Variants in MTX2 observed in about 807,000 individuals in gnomAD.
MTX2 encodes metaxin 2, also known as metaxin-2.
Under a neutral mutation model 42.3 loss-of-function variants are expected in MTX2, and 35 were observed. The observed-to-expected ratio is 0.83, with a 90% CI of 0.63 to 1.10. The LOEUF (loss-of-function observed/expected upper bound fraction) is 1.10. Ranked by LOEUF, MTX2 falls within the 50% of genes least tolerant of loss-of-function variation. The pLI is 0.00. For missense variants in MTX2, 307 were observed against 304.1 expected (o/e 1.01, Z -0.07); for synonymous variants, 119 against 100.9 (o/e 1.18, Z -1.08).
chr2:176,298,512 A>C (rs1388938549), intron 3 of MTX2, among the ~76,000 whole-genome samples: 4 of 152,158 alleles, frequency 2.6e-5, no homozygotes, highest in Non-Finnish European at 4.4e-5. Flanking sequence ...CATTATAGGA[A>C]GAATAGGATA....
intron 3 of MTX2, among the ~76,000 whole-genome samples, chr2:176,300,338 CAAAAGT>C (rs953215217): frequency 6.6e-6 from 1 of 152,034 alleles, no homozygotes; most frequent in African/African-American, 2.4e-5. Flanking sequence ...CCTCATTTAA[CAAAAGT>C]AAAAAGAAAT....
intron 6 of MTX2, 70 bp downstream of exon 6, chr2:176,328,455 A>G (rs1470768477): frequency 9.7e-7 from 1 of 1,029,680 alleles, no homozygotes; most frequent in Non-Finnish European, 1.4e-6. Context: ...AATCTTTCTT[A>G]TGGGTTAAAG....
At chr2:176,327,189 C>G (rs931668908) in intron 5 of MTX2, among the ~76,000 whole-genome samples, 1 of 151,136 alleles carries the variant, frequency 6.6e-6, no homozygotes, top group African/African-American at 2.4e-5. Context: ...CTAACTTATG[C>G]TTACTACAAC....
chr2:176,329,495 T>C, intron 8 of MTX2, 69 bp downstream of exon 8: 3 of 1,394,832 alleles, frequency 2.2e-6, no homozygotes, highest in Non-Finnish European at 2.9e-6. Context: ...TTTATATTGA[T>C]ACTCCTTTAA....
intron 3 of MTX2, among the ~76,000 whole-genome samples, chr2:176,317,533 C>G (rs756776424): frequency 2.6e-5 from 4 of 152,076 alleles, no homozygotes; most frequent in Non-Finnish European, 5.9e-5. Flanking sequence ...AGATGAGGGA[C>G]TTTTTGACAT....
chr2:176,290,838 TTAAC>T (rs1473977596), intron 1 of MTX2, among the ~76,000 whole-genome samples: 2 of 148,412 alleles, frequency 1.3e-5, no homozygotes, highest in Non-Finnish European at 3.0e-5. Context: ...AAAACATAAA[TTAAC>T]TATATATTTC....
At chr2:176,337,012 T>C (rs1211027540) in intron 9 of MTX2, among the ~76,000 whole-genome samples, 1 of 152,184 alleles carries the variant, frequency 6.6e-6, no homozygotes, top group Non-Finnish European at 1.5e-5. Flanking sequence ...GTGCAGTGTT[T>C]GCATGTAATC....
At chr2:176,328,435 C>A in intron 6 of MTX2, 50 bp downstream of exon 6, 1 of 1,171,606 alleles carries the variant, frequency 8.5e-7, no homozygotes, top group Non-Finnish European at 1.2e-6. Context: ...CTCTCATTCT[C>A]ATAAAATATA....
intron 3 of MTX2, among the ~76,000 whole-genome samples, chr2:176,306,509 A>G (rs1322973448): frequency 2.6e-5 from 4 of 152,158 alleles, no homozygotes; most frequent in Non-Finnish European, 5.9e-5. Context: ...TGGTTGAGCT[A>G]ATTTACACTC....
intron 3 of MTX2, among the ~76,000 whole-genome samples, chr2:176,319,566 GTTTGT>G (rs753927220): frequency 6.7e-6 from 1 of 150,322 alleles, no homozygotes; most frequent in Admixed American, 6.7e-5. Flanking sequence ...TAATTTTTTT[GTTTGT>G]TTTGTTTTGT....
intron 1 of MTX2, among the ~76,000 whole-genome samples, chr2:176,280,810 A>T (rs1396471997): frequency 6.6e-6 from 1 of 152,222 alleles, no homozygotes; most frequent in Non-Finnish European, 1.5e-5. Flanking sequence ...ACACAGTAAC[A>T]TTTAACATCA....
chr2:176,312,585 C>T (rs141732778), intron 3 of MTX2, among the ~76,000 whole-genome samples: 151 of 151,864 alleles, frequency 9.9e-4, no homozygotes, highest in African/African-American at 3.6e-3. Context: ...GCTATTGGGC[C>T]GGGTGTGGTG....
rs187172841 is a variant in MTX2 at position 176,327,172 on chromosome 2, T to C, written c.285+271T>C. Among the ~76,000 whole-genome samples, 335 of 151,458 alleles carry C rather than the reference T, an allele frequency of 2.2e-3. 3 individuals are homozygous for C. The highest frequency in any genetic ancestry group is 7.9e-3 in the African/African-American group (326 of 41,488). The stretch of plus-strand genomic sequence containing the variant: ...GGTTTGATCTTTACAAAATGGTAGA[T>C]AATTTTCTAACTTATGCTTACTACA... On this transcript the variant is annotated intron_variant, in intron 5 of 9. Coordinates refer to ENST00000249442, the MANE Select transcript of MTX2 (RefSeq NM_006554.5).
chr2:176,321,441 T>C (rs1255046489), intron 3 of MTX2, among the ~76,000 whole-genome samples: 2 of 152,128 alleles, frequency 1.3e-5, no homozygotes, highest in African/African-American at 4.8e-5. Flanking sequence ...TTAATTAAGA[T>C]TGGATTTGGC....
intron 3 of MTX2, among the ~76,000 whole-genome samples, chr2:176,300,763 A>G (rs1684005826): frequency 6.6e-6 from 1 of 152,184 alleles, no homozygotes; most frequent in African/African-American, 2.4e-5. Flanking sequence ...AATGTAAAAT[A>G]GAAATATAAT....
intron 1 of MTX2, among the ~76,000 whole-genome samples, chr2:176,281,943 TAAGAC>T (rs1693086470): frequency 6.6e-6 from 1 of 152,126 alleles, no homozygotes; most frequent in Non-Finnish European, 1.5e-5. Context: ...AGGATGGAGA[TAAGAC>T]AAGTATAGTT....
At chr2:176,270,032 A>C (rs1692761569) in intron 1 of MTX2, among the ~76,000 whole-genome samples, 2 of 152,118 alleles carry the variant, frequency 1.3e-5, no homozygotes, top group African/African-American at 2.4e-5. Context: ...GAGTGGTGGC[A>C]GTTTCTGGGT....
At chr2:176,319,933 C>T (rs1349613261) in intron 3 of MTX2, among the ~76,000 whole-genome samples, 1 of 152,096 alleles carries the variant, frequency 6.6e-6, no homozygotes, top group African/African-American at 2.4e-5. Context: ...CTCTTGGCCT[C>T]AAGCAATGCT....
intron 8 of MTX2, among the ~76,000 whole-genome samples, chr2:176,330,012 T>C (rs1365410784): frequency 6.6e-6 from 1 of 151,084 alleles, no homozygotes; most frequent in Non-Finnish European, 1.5e-5. Flanking sequence ...TGCCCGTCTT[T>C]TCCAAGGCTA....
Sources: gnomAD v4.1 joint callset for allele counts (sites outside exome capture counted in the v4.1 genomes callset) on GRCh38, gnomAD v4.1.1 for gene constraint, MANE v1.5 for transcripts, NCBI Gene and HGNC (gene_info 2026-07-23, HGNC 2026-07-21) for gene names.